Variants in LPCAT2 observed in about 807,000 individuals in gnomAD.
The protein encoded by LPCAT2 is lysophosphatidylcholine acyltransferase 2.
Under a neutral mutation model 64.7 loss-of-function variants are expected in LPCAT2, and 58 were observed. The ratio of observed to expected loss-of-function variants is 0.90; its 90% CI spans 0.73 to 1.12. LPCAT2 has a LOEUF of 1.12. Among genes scored for constraint, LPCAT2 ranks in the 50% most tolerant of loss-of-function variants. The probability of loss-of-function intolerance (pLI) is 0.00; values close to 1 mark genes in which losing one functional copy is unlikely to be tolerated. For synonymous variants in LPCAT2, 252 were observed against 245.3 expected (o/e 1.03, Z -0.26); for missense variants, 579 against 669.8 (o/e 0.86, Z 1.50).
At chr16:55,537,694 T>A in intron 8 of LPCAT2, 62 bp downstream of exon 8, 1 of 1,426,754 alleles carries the variant, frequency 7.0e-7, no homozygotes. Context: ...ATTTTGAACC[T>A]CTAGTCTAGA....
At chr16:55,566,626 A>T (rs1258804686) in intron 11 of LPCAT2, 1 of 926,744 alleles carries the variant, frequency 1.1e-6, no homozygotes, top group Non-Finnish European at 1.6e-6. Flanking sequence ...ACATCACATC[A>T]TGGGGCGTGG....
intron 13 of LPCAT2, among the ~76,000 whole-genome samples, chr16:55,581,569 A>C (rs949977427): frequency 1.4e-4 from 21 of 152,240 alleles, no homozygotes; most frequent in African/African-American, 4.6e-4. Flanking sequence ...ACTAAGACCT[A>C]TTTTTATATT....
intron 13 of LPCAT2, among the ~76,000 whole-genome samples, chr16:55,580,578 A>G (rs536700410): frequency 6.6e-6 from 1 of 152,268 alleles, no homozygotes; most frequent in Admixed American, 6.5e-5. Context: ...ATTTTTTTCA[A>G]GAATGTTTGA....
At chr16:55,559,742 A>G (rs1963615452) in intron 11 of LPCAT2, among the ~76,000 whole-genome samples, 2 of 150,378 alleles carry the variant, frequency 1.3e-5, no homozygotes, top group Admixed American at 6.6e-5. Context: ...TATGAAGTCT[A>G]TTCCACAACT....
At chr16:55,562,993 T>C (rs1266234378) in intron 11 of LPCAT2, among the ~76,000 whole-genome samples, 1 of 151,670 alleles carries the variant, frequency 6.6e-6, no homozygotes, top group African/African-American at 2.4e-5. Context: ...ATCTCAAAAA[T>C]ATACTGTTGA....
At chr16:55,577,548 T>A (rs1963841322) in intron 12 of LPCAT2, among the ~76,000 whole-genome samples, 1 of 152,150 alleles carries the variant, frequency 6.6e-6, no homozygotes, top group Non-Finnish European at 1.5e-5. Flanking sequence ...ATTGTGAGGG[T>A]TGAGTGAGTT....
At chr16:55,557,714 T>G (rs1963593173) in intron 11 of LPCAT2, among the ~76,000 whole-genome samples, 1 of 152,170 alleles carries the variant, frequency 6.6e-6, no homozygotes, top group Non-Finnish European at 1.5e-5. Context: ...TCAAGTCTAG[T>G]GCTATTGTGG....
chr16:55,544,099 A>G (rs1596868257), intron 8 of LPCAT2, among the ~76,000 whole-genome samples: 5 of 152,198 alleles, frequency 3.3e-5, no homozygotes, highest in Admixed American at 2.0e-4. Context: ...TTTGGTGCAT[A>G]CACTCCTTAC....
chr16:55,524,873 G>A (rs1207716308), intron 1 of LPCAT2, among the ~76,000 whole-genome samples: 2 of 151,958 alleles, frequency 1.3e-5, no homozygotes, highest in Non-Finnish European at 2.9e-5. Flanking sequence ...TGAAACTTAA[G>A]GTTGTAAGAA....
chr16:55,577,967 A>G (rs1186745081), intron 12 of LPCAT2, among the ~76,000 whole-genome samples: 20 of 152,124 alleles, frequency 1.3e-4, no homozygotes, highest in Non-Finnish European at 2.8e-4. Context: ...ATCAAATCCA[A>G]CAAACGGTTT....
intron 2 of LPCAT2, among the ~76,000 whole-genome samples, chr16:55,527,211 T>C (rs1380035495): frequency 3.3e-5 from 5 of 152,048 alleles, no homozygotes; most frequent in African/African-American, 1.2e-4. Context: ...ATTACAAAAA[T>C]GTGGAGAAAA....
At chr16:55,540,381 A>T (rs1418697829) in intron 8 of LPCAT2, 1 of 152,132 alleles carries the variant, frequency 6.6e-6, no homozygotes, top group Non-Finnish European at 1.5e-5. Flanking sequence ...TTTTAGTCAT[A>T]CTTTTATTAA....
intron 11 of LPCAT2, among the ~76,000 whole-genome samples, chr16:55,559,718 C>G (rs1963615202): frequency 6.7e-6 from 1 of 149,780 alleles, no homozygotes; most frequent in Non-Finnish European, 1.5e-5. Flanking sequence ...ATCCCAGTTA[C>G]TCAGGATTTG....
intron 1 of LPCAT2, among the ~76,000 whole-genome samples, chr16:55,515,499 T>A (rs1962998748): frequency 6.6e-6 from 1 of 152,214 alleles, no homozygotes; most frequent in Admixed American, 6.5e-5. Flanking sequence ...AATGAAAGGA[T>A]ACTAGACAGT....
intron 1 of LPCAT2, among the ~76,000 whole-genome samples, chr16:55,523,739 A>C (rs1218962645): frequency 6.6e-6 from 1 of 151,940 alleles, no homozygotes; most frequent in Non-Finnish European, 1.5e-5. Context: ...AGTGAAAGAA[A>C]GCCTATCAGT....
intron 11 of LPCAT2, among the ~76,000 whole-genome samples, chr16:55,552,508 T>TA (rs1273071976): frequency 2.0e-5 from 3 of 152,186 alleles, no homozygotes; most frequent in African/African-American, 7.2e-5. Flanking sequence ...ATTTGAGAAT[T>TA]ACCTTGTTTT....
Position 55,565,815 on chromosome 16 carries a change from G to A in LPCAT2, c.1216-8816G>A, listed in dbSNP as rs1963689210. Among the ~76,000 whole-genome samples, 8 of 152,074 alleles carry A rather than the reference G, an allele frequency of 5.3e-5. 1 individual carries two copies. The highest frequency in any genetic ancestry group is 5.2e-4 in the Admixed American group (8 of 15,254). On this transcript the variant is annotated intron_variant, in intron 11 of 13. Transcript: ENST00000262134. ...CAATGCAAATATACTTAATGCCACT[G>A]AACTCTATACTTAAAAATGGTTAAA...
At chr16:55,555,589 C>T (rs77758999) in intron 11 of LPCAT2, among the ~76,000 whole-genome samples, 36 of 152,228 alleles carry the variant, frequency 2.4e-4, no homozygotes, top group East Asian at 1.9e-3. Flanking sequence ...TCCCAGAGCA[C>T]ACTAAATTCT....
chr16:55,569,316 G>T (rs1963744091), intron 11 of LPCAT2, among the ~76,000 whole-genome samples: 1 of 152,134 alleles, frequency 6.6e-6, no homozygotes, highest in South Asian at 2.1e-4. Context: ...ACCTTGGTCT[G>T]GTGTGCTACT....
Sources: allele counts gnomAD v4.1 joint callset (sites outside exome capture counted in the v4.1 genomes callset), GRCh38; gene constraint gnomAD v4.1.1; transcripts MANE v1.5; gene names NCBI Gene and HGNC (gene_info 2026-07-23, HGNC 2026-07-21).